The following ABLIM1 variants were observed in gnomAD, a reference collection of about 807,000 sequenced individuals.
The protein encoded by ABLIM1 is actin-binding LIM protein 1.
In ABLIM1, 40 loss-of-function variants were observed where a neutral mutation model predicts 107.0. The ratio of observed to expected loss-of-function variants is 0.37; its 90% CI spans 0.29 to 0.49. The LOEUF (loss-of-function observed/expected upper bound fraction) is 0.49, where lower values mean the gene tolerates loss of function less well. Ranked by LOEUF, ABLIM1 falls within the 20% of genes least tolerant of loss-of-function variation. The pLI, the probability that ABLIM1 is intolerant of heterozygous loss-of-function variation, is 0.97. For synonymous variants in ABLIM1, 357 were observed against 357.3 expected, an observed-to-expected ratio of 1.00 and a Z score of 0.01; for missense variants, 857 against 1,008.5, an observed-to-expected ratio of 0.85 and a Z score of 2.04.
In ABLIM1 at chr10:114,485,511, G is replaced by T. The variant is rs1233961527; in HGVS notation, c.1041+2447C>A. ...TAACTTGAGAGTAAACATCAAGTGG[G>T]ATTCTTTCATTGATGTACATGTGGA... On this transcript the variant is annotated intron_variant, in intron 8 of 22. Transcript: ENST00000533213. 1.0e-5 allele frequency: 8 copies of T among 776,160 alleles called. No homozygotes were observed. In the East Asian group the frequency reaches 2.4e-4, roughly 23 times the overall value. 48.1% of individuals were successfully genotyped at this position (776,160 alleles called of 1,614,324 possible).
At chr10:114,718,068 A>AG (rs1422979536) in intron 1 of ABLIM1, among the ~76,000 whole-genome samples, 2,023 of 99,496 alleles carry the variant, frequency 0.02, 41 homozygotes, top group African/African-American at 0.034. Context: ...AAAGAAAGGA[A>AG]GAAAGGAAGG....
intron 1 of ABLIM1, chr10:114,631,902 C>T (rs1355649641): frequency 1.5e-6 from 2 of 1,304,288 alleles, no homozygotes; most frequent in South Asian, 1.2e-5. Context: ...TTATAATTAC[C>T]TTTTTCCTTC....
intron 6 of ABLIM1, among the ~76,000 whole-genome samples, chr10:114,507,195 A>AT (rs763456372): frequency 5.2e-4 from 79 of 152,302 alleles, no homozygotes; most frequent in Middle Eastern, 3.4e-3. Context: ...GCTGGACTTC[A>AT]TCTCCTTTAA....
upstream of ABLIM1, among the ~76,000 whole-genome samples, chr10:114,769,750 A>G (rs1438870223): frequency 6.6e-6 from 1 of 152,210 alleles, no homozygotes; most frequent in East Asian, 1.9e-4. Context: ...AGCATTGTTG[A>G]AAAAAACCCA....
chr10:114,600,908 A>G (rs747608126), intron 2 of ABLIM1, among the ~76,000 whole-genome samples: 6 of 152,190 alleles, frequency 3.9e-5, no homozygotes, highest in Admixed American at 1.3e-4. Flanking sequence ...GGCATATTTC[A>G]TACAAAGATG....
At chr10:114,452,574 T>TA (rs976339323) in intron 13 of ABLIM1, among the ~76,000 whole-genome samples, 1 of 152,220 alleles carries the variant, frequency 6.6e-6, no homozygotes, top group African/African-American at 2.4e-5. Flanking sequence ...TATGTACACT[T>TA]ACATTAATAT....
chr10:114,602,890 A>G (rs1437970854), intron 1 of ABLIM1, among the ~76,000 whole-genome samples: 1 of 152,180 alleles, frequency 6.6e-6, no homozygotes, highest in Non-Finnish European at 1.5e-5. Context: ...AAAGGCCCAG[A>G]GAGAAGGCAG....
chr10:114,437,172 G>A (rs1269263397), intron 22 of ABLIM1, among the ~76,000 whole-genome samples: 2 of 151,868 alleles, frequency 1.3e-5, no homozygotes, highest in Non-Finnish European at 2.9e-5. Flanking sequence ...CCAGCTCAGG[G>A]GAAGATAAGG....
intron 11 of ABLIM1, 38 bp from the exon 12 acceptor site, chr10:114,465,865 G>T (rs1271210366): frequency 3.7e-6 from 6 of 1,608,490 alleles, no homozygotes; most frequent in Non-Finnish European, 5.1e-6. Flanking sequence ...CTATCACCAT[G>T]CCTCAGTAGG....
At chr10:114,719,205 A>T (rs1422289667) in intron 1 of ABLIM1, among the ~76,000 whole-genome samples, 1 of 152,200 alleles carries the variant, frequency 6.6e-6, no homozygotes, top group Non-Finnish European at 1.5e-5. Context: ...TAGTTTCATA[A>T]GAGTCTGAAA....
At chr10:114,689,756 T>C (rs143164343), upstream of ABLIM1, among the ~76,000 whole-genome samples, 1,122 of 152,062 alleles carry the variant, frequency 7.4e-3, 7 homozygotes, top group African/African-American at 0.026. Context: ...CAAAAAAAGA[T>C]TCGAGATGAA....
the ABLIM1 span, among the ~76,000 whole-genome samples, chr10:114,788,335 AAAAAAAAAAAAAAT>A: frequency 7.7e-6 from 1 of 129,980 alleles, no homozygotes; most frequent in African/African-American, 3.4e-5. Context: ...ATAAAAAAAT[AAAAAAAAAAAAAAT>A]AAATAAATAA....
intron 10 of ABLIM1, 145 bp from the exon 11 acceptor site, chr10:114,468,361 G>A (rs1419390281): frequency 2.5e-5 from 17 of 689,068 alleles, no homozygotes; most frequent in East Asian, 6.1e-5. Context: ...TGCAATCTCC[G>A]CCTCCCAGGT....
At chr10:114,467,269 A>G (rs2065376643) in intron 11 of ABLIM1, among the ~76,000 whole-genome samples, 1 of 152,238 alleles carries the variant, frequency 6.6e-6, no homozygotes, top group African/African-American at 2.4e-5. Context: ...AGTACAAAAA[A>G]CCACATGCAC....
intron 15 of ABLIM1, among the ~76,000 whole-genome samples, chr10:114,446,112 C>A (rs1054670882): frequency 1.1e-4 from 17 of 152,186 alleles, no homozygotes; most frequent in Non-Finnish European, 2.9e-5. Flanking sequence ...TATCTACATA[C>A]CAACAGATAG....
intron 6 of ABLIM1, among the ~76,000 whole-genome samples, chr10:114,508,738 T>C (rs1413504297): frequency 6.6e-6 from 1 of 152,206 alleles, no homozygotes; most frequent in Non-Finnish European, 1.5e-5. Flanking sequence ...AAAATGGGAA[T>C]GGTTTAGGAC....
chr10:114,658,111 C>T lies in ABLIM1; in HGVS notation c.90G>A (p.Arg30=). The T allele has an allele frequency of 6.2e-7, 1 of 1,614,200 alleles. No homozygotes were observed. The highest frequency in any genetic ancestry group is 8.5e-7 in the Non-Finnish European group (1 of 1,180,026). Residue 30 remains arginine (R), a synonymous_variant, in exon 1 of 23, where the codon AGG becomes AGA. Transcript: ENST00000533213. ...KVTSSERTSA[R]GSNRKRLIVE... ...CAATCAGTCTCTTTCTGTTCGAGCCCCTGGCACTGGTTCTCTCAGATGAGG... is the reference window on the plus strand; with the variant it reads ...CAATCAGTCTCTTTCTGTTCGAGCCTCTGGCACTGGTTCTCTCAGATGAGG...
At chr10:114,473,185 A>T in intron 9 of ABLIM1, 53 bp from the exon 10 acceptor site, 1 of 1,526,808 alleles carries the variant, frequency 6.5e-7, no homozygotes, top group Non-Finnish European at 8.8e-7. Context: ...CTGCTTTAGG[A>T]AACTGTAGTT....
chr10:114,644,785 T>C (rs918416859), intron 1 of ABLIM1, among the ~76,000 whole-genome samples: 1 of 152,158 alleles, frequency 6.6e-6, no homozygotes, highest in East Asian at 1.9e-4. Context: ...CCTTAAAAGA[T>C]AAAGTTAGGC....
Sources: gnomAD v4.1 joint callset for allele counts (sites outside exome capture counted in the v4.1 genomes callset) on GRCh38, gnomAD v4.1.1 for gene constraint, MANE v1.5 for transcripts, NCBI Gene and HGNC (gene_info 2026-07-23, HGNC 2026-07-21) for gene names.